Variants in CATSPERT observed in about 807,000 individuals in gnomAD.
The protein encoded by CATSPERT is cation channel sperm-associated targeting subunit tau.
At chr2:201,534,081 TATCTATCA>T in the CATSPERT span, among the ~76,000 whole-genome samples, 1 of 142,338 alleles carries the variant, frequency 7.0e-6, no homozygotes, top group South Asian at 2.2e-4. Context: ...TCTATCTATC[TATCTATCA>T]AATCTGAGAT....
the CATSPERT span, among the ~76,000 whole-genome samples, chr2:201,521,891 A>G: frequency 1.3e-5 from 2 of 152,250 alleles, no homozygotes; most frequent in Non-Finnish European, 2.9e-5. Flanking sequence ...AAAAAACCAT[A>G]TGATTATCTC....
chr2:201,588,853 C>T, the CATSPERT span, among the ~76,000 whole-genome samples: 1 of 152,106 alleles, frequency 6.6e-6, no homozygotes, highest in South Asian at 2.1e-4. Context: ...CCTACATCTA[C>T]AAAACCCCAT....
At chr2:201,505,903 C>A in the CATSPERT span, among the ~76,000 whole-genome samples, 1 of 152,148 alleles carries the variant, frequency 6.6e-6, no homozygotes, top group Non-Finnish European at 1.5e-5. Context: ...AATATCTTTA[C>A]AAGTGTTCTG....
chr2:201,559,727 G>A, the CATSPERT span, among the ~76,000 whole-genome samples: 1 of 152,106 alleles, frequency 6.6e-6, no homozygotes, highest in African/African-American at 2.4e-5. Flanking sequence ...ACCTAGAACC[G>A]GGCCAATGTG....
chr2:201,503,060 C>T, the CATSPERT span, among the ~76,000 whole-genome samples: 1 of 151,900 alleles, frequency 6.6e-6, no homozygotes, highest in South Asian at 2.1e-4. Context: ...GTTAATTATA[C>T]CCTCTATTTT....
the CATSPERT span, among the ~76,000 whole-genome samples, chr2:201,562,520 TTA>T: frequency 1.8e-5 from 2 of 111,268 alleles, no homozygotes; most frequent in African/African-American, 6.2e-5. Flanking sequence ...ATTTATTTAT[TTA>T]TTTATTTTTT....
the CATSPERT span, among the ~76,000 whole-genome samples, chr2:201,532,063 T>G: frequency 0.61 from 93,234 of 152,016 alleles, 30,364 homozygotes; most frequent in East Asian, 0.95. Flanking sequence ...TGATAGCAAT[T>G]ACAGTGGTGG....
At chr2:201,600,992 T>C in the CATSPERT span, among the ~76,000 whole-genome samples, 12 of 152,166 alleles carry the variant, frequency 7.9e-5, no homozygotes, top group Non-Finnish European at 1.5e-4. Context: ...TCAAGTAATC[T>C]GCCCACTTCA....
At chr2:201,583,616 C>T in the CATSPERT span, among the ~76,000 whole-genome samples, 1 of 152,074 alleles carries the variant, frequency 6.6e-6, no homozygotes, top group East Asian at 1.9e-4. Context: ...AAAATGGTCC[C>T]AAACTGGTAG....
the CATSPERT span, among the ~76,000 whole-genome samples, chr2:201,542,598 C>T: frequency 6.6e-6 from 1 of 152,022 alleles, no homozygotes; most frequent in African/African-American, 2.4e-5. Flanking sequence ...TTTGTATTTA[C>T]CTGATGATTA....
chr2:201,491,521 T>C, the CATSPERT span: 17 of 1,536,136 alleles, frequency 1.1e-5, no homozygotes, highest in Non-Finnish European at 1.5e-5. Flanking sequence ...ATGCTTTTTA[T>C]TATTGTTATT....
chr2:201,603,368 A>T, the CATSPERT span: 3 of 1,067,006 alleles, frequency 2.8e-6, no homozygotes, highest in Non-Finnish European at 4.0e-6. Flanking sequence ...TTAAAAAGTA[A>T]AACTCCACGT....
At chr2:201,536,822 T>C in the CATSPERT span, among the ~76,000 whole-genome samples, 4 of 151,950 alleles carry the variant, frequency 2.6e-5, no homozygotes, top group Non-Finnish European at 4.4e-5. Flanking sequence ...TTATCTTCTT[T>C]TACTCTCCTT....
chr2:201,521,660 A>C, the CATSPERT span, among the ~76,000 whole-genome samples: 3 of 152,218 alleles, frequency 2.0e-5, no homozygotes, highest in East Asian at 5.8e-4. Flanking sequence ...TGAGACCAGC[A>C]TCACCCTGAT....
At chr2:201,492,745 C>T in the CATSPERT span, 1 of 1,534,998 alleles carries the variant, frequency 6.5e-7, no homozygotes. Context: ...AGAATATTTC[C>T]CCTGAAAACT....
At chr2:201,557,399 A>C in the CATSPERT span, 3 of 152,186 alleles carry the variant, frequency 2.0e-5, no homozygotes, top group African/African-American at 7.2e-5. Context: ...TATATATTGC[A>C]TTGGAGATAT....
chr2:201,576,118 C>T, the CATSPERT span, among the ~76,000 whole-genome samples: 1 of 152,312 alleles, frequency 6.6e-6, no homozygotes, highest in South Asian at 2.1e-4. Flanking sequence ...CTTAAAGGAA[C>T]TGCCATGCCC....
the CATSPERT span, among the ~76,000 whole-genome samples, chr2:201,488,897 A>G: frequency 6.6e-6 from 1 of 152,228 alleles, no homozygotes; most frequent in Non-Finnish European, 1.5e-5. Flanking sequence ...TACGTACACA[A>G]GACAATTAGG....
At chr2:201,493,263 A>T in the CATSPERT span, 2 of 1,536,564 alleles carry the variant, frequency 1.3e-6, no homozygotes, top group East Asian at 4.9e-5. Flanking sequence ...ACAGTTCTTT[A>T]TTTGCTATTG....
Sources: allele counts gnomAD v4.1 joint callset (sites outside exome capture counted in the v4.1 genomes callset), GRCh38; gene constraint gnomAD v4.1.1; transcripts MANE v1.5; gene names NCBI Gene and HGNC (gene_info 2026-07-23, HGNC 2026-07-21).